Variants in PCDHB4 observed in about 807,000 individuals in gnomAD.
PCDHB4 encodes the protein protocadherin beta-4.
For missense variants in PCDHB4, 1,063 were observed against 1,007.0 expected, an observed-to-expected ratio of 1.06 and a Z score of -0.75; for synonymous variants, 482 against 447.3, an observed-to-expected ratio of 1.08 and a Z score of -0.98.
Position 141,124,259 on chromosome 5 carries a change from T to G in PCDHB4, c.2261T>G (p.Leu754Arg). 3 of 1,614,166 alleles carry G rather than the reference T, an allele frequency of 1.9e-6. No homozygotes were observed. Among genetic ancestry groups the G allele is most frequent in the Non-Finnish European group, 2.5e-6 (3 of 1,180,022 alleles). Residue 754 changes from leucine (L) to arginine (R), a missense_variant, in exon 1 of 1, where the codon CTG becomes CGG. Coordinates refer to ENST00000194152, the MANE Select transcript of PCDHB4 (RefSeq NM_018938.4). ...CAGAGCTACCAGTACGAGGTGTGTCTGACAGGAGACTCTGGGACTGGTGAG... is the reference window on the plus strand; with the variant it reads ...CAGAGCTACCAGTACGAGGTGTGTCGGACAGGAGACTCTGGGACTGGTGAG... Reference protein sequence around the residue: ...LSQSYQYEVCLTGDSGTGEFK... With the variant: ...LSQSYQYEVCRTGDSGTGEFK...
At position 141,122,965 on chromosome 5, in the gene PCDHB4, G is replaced by A; in HGVS notation, c.967G>A (p.Gly323Arg). The A allele has an allele frequency of 1.2e-6, 2 of 1,612,784 alleles. No homozygotes were observed. Among genetic ancestry groups the A allele is most frequent in the Non-Finnish European group, 1.7e-6 (2 of 1,179,558 alleles). ...CCATGTAGAAATTGAGGCCACAGAT[G>A]GAGGAGGCCTTTCTGGAAAAGGCAC... ...SYHVEIEATDGGGLSGKGTVV... is the reference protein window; with the variant it reads ...SYHVEIEATDRGGLSGKGTVV... The change falls in exon 1 of 1, where the codon GGA becomes AGA. Residue 323 changes from glycine (G) to arginine (R), a missense_variant. Transcript: ENST00000194152.
rs1752352829 is a variant in PCDHB4, at chr5:141,123,760, G to A, written c.1762G>A (p.Val588Met). The change falls in exon 1 of 1, where the codon GTG becomes ATG. Residue 588 changes from valine to methionine, a missense_variant. By Grantham distance (21) the Val-to-Met change is conservative (BLOSUM62 1). Transcript: ENST00000194152. Reference sequence around the variant, plus strand: ...CGAGCCGGGCTACCTGGTGACCAAGGTGGTGGCGGTGGACGGCGACTCGGG... The same window carrying A: ...CGAGCCGGGCTACCTGGTGACCAAGATGGTGGCGGTGGACGGCGACTCGGG... Reference protein sequence around the residue: ...AAEPGYLVTKVVAVDGDSGQN... With the variant: ...AAEPGYLVTKMVAVDGDSGQN... 14 of 1,610,392 alleles carry A rather than the reference G, an allele frequency of 8.7e-6. No individual in the cohort carries two copies. Among genetic ancestry groups the A allele is most frequent in the Non-Finnish European group, 1.2e-5 (14 of 1,179,666 alleles).
chr5:141,124,468 C>T lies in PCDHB4; in HGVS notation c.*82C>T. 1.7e-6 allele frequency: 2 copies of T among 1,197,786 alleles called. No homozygotes were observed. Among genetic ancestry groups the T allele is most frequent in the East Asian group, 2.5e-5 (1 of 40,200 alleles). 74.2% of individuals were successfully genotyped at this position (1,197,786 alleles called of 1,614,324 possible). ...TGCCTTTATTTAAAAAAATTGTCTA[C>T]TTATCTAAATATTCATACCACAATT... On this transcript the variant is annotated 3_prime_UTR_variant, in exon 1 of 1. Transcript: ENST00000194152.
In PCDHB4 at chr5:141,122,272, G is replaced by C; in HGVS notation, c.274G>C (p.Glu92Gln). The C allele has an allele frequency of 6.2e-7, 1 of 1,614,036 alleles. No homozygotes were observed. Among genetic ancestry groups the C allele is most frequent in the Non-Finnish European group, 8.5e-7 (1 of 1,180,026 alleles). Residue 92 changes from glutamate (E) to glutamine (Q), a missense_variant, in exon 1 of 1, where the codon GAA becomes CAA. Coordinates refer to ENST00000194152, the MANE Select transcript of PCDHB4 (RefSeq NM_018938.4). Reference protein sequence around the residue: ...DLLLREKLDREELCGPIEPCV... With the variant: ...DLLLREKLDRQELCGPIEPCV... ...GCTTCTGAGGGAGAAACTAGACCGG[G>C]AAGAGCTCTGTGGTCCTATTGAACC...
chr5:141,123,344 C>T lies in PCDHB4; in HGVS notation c.1346C>T (p.Ala449Val), dbSNP rs377636537. Residue 449 changes from alanine (A) to valine (V), a missense_variant, in exon 1 of 1, where the codon GCC becomes GTC. Transcript: ENST00000194152. ...TCCGACGTCAATGACAACGCCCCCG[C>T]CTTCACCCAAACCTCCTACACCCTG... ...QVSDVNDNAP[A>V]FTQTSYTLFV... is the part of the protein sequence containing the mutation. 6.2e-6 allele frequency: 10 copies of T among 1,613,612 alleles called. No homozygotes were observed. In the African/African-American group the frequency reaches 1.1e-4, roughly 17 times the overall value.
In PCDHB4 at chr5:141,123,571, G is replaced by T. The variant is rs782784130; in HGVS notation, c.1573G>T (p.Ala525Ser). 3 of 1,612,744 alleles carry T rather than the reference G, an allele frequency of 1.9e-6. No homozygotes were observed. Among genetic ancestry groups the T allele is most frequent in the African/African-American group, 2.7e-5 (2 of 75,020 alleles). Residue 525 changes from alanine to serine, a missense_variant, in exon 1 of 1, where the codon GCG (alanine) becomes TCG (serine). Physicochemically the swap from Ala to Ser is moderately conservative, Grantham distance 99. Transcript: ENST00000194152. ...GTCGCTGGACTACGAGGCCCTGCAG[G>T]CGTTCGAGTTCCGCGTGGGCGCCTC... ...LRSLDYEALQ[A>S]FEFRVGASDR...
chr5:141,122,193 G>A lies in PCDHB4; in HGVS notation c.195G>A (p.Val65=). 1 of 1,614,224 alleles carries A rather than the reference G, an allele frequency of 6.2e-7. No homozygotes were observed. The highest frequency in any genetic ancestry group is 1.6e-4 in the Middle Eastern group (1 of 6,062). ...IGELASRSAR[V]LSDDDKQRLQ... ...AACTGGCCTCCCGGTCAGCCCGGGT[G>A]CTGTCTGACGATGACAAGCAGCGTT... is the stretch of plus-strand genomic sequence containing the variant. Residue 65 remains valine, a synonymous_variant, in exon 1 of 1, where the codon GTG becomes GTA. Transcript: ENST00000194152.
At position 141,122,692 on chromosome 5, in the gene PCDHB4, A is replaced by G. The variant is rs1202959801; in HGVS notation, c.694A>G (p.Met232Val). The part of the protein sequence containing the change: ...SGTVMVRILI[M>V]DINDNAPEFV... The stretch of plus-strand genomic sequence containing the variant: ...CACGGTCATGGTTCGAATCCTGATC[A>G]TGGACATCAATGACAATGCTCCTGA... Residue 232 changes from methionine to valine, a missense_variant, in exon 1 of 1, where the codon ATG becomes GTG. By Grantham distance (21) the Met-to-Val change is conservative (BLOSUM62 1). Coordinates refer to ENST00000194152, the MANE Select transcript of PCDHB4 (RefSeq NM_018938.4). 1.2e-6 allele frequency: 2 copies of G among 1,614,084 alleles called. No homozygotes were observed. Among genetic ancestry groups the G allele is most frequent in the African/African-American group, 2.7e-5 (2 of 74,940 alleles).
In PCDHB4 at chr5:141,124,303, A is replaced by C. The variant is rs781853304; in HGVS notation, c.2305A>C (p.Ile769Leu). 1 of 1,614,054 alleles carries C rather than the reference A, an allele frequency of 6.2e-7. No homozygotes were observed. Among genetic ancestry groups the C allele is most frequent in the Admixed American group, 1.7e-5 (1 of 60,008 alleles). The change falls in exon 1 of 1, where the codon ATA becomes CTA. Residue 769 changes from isoleucine to leucine, a missense_variant. By Grantham distance (5) the Ile-to-Leu change is conservative. Transcript: ENST00000194152. Reference sequence around the variant, plus strand: ...TGGTGAGTTCAAGTTCCTGAAGCCAATATTTCCTAATCTCTTGGTTCAGGA... The same window carrying C: ...TGGTGAGTTCAAGTTCCTGAAGCCACTATTTCCTAATCTCTTGGTTCAGGA... ...GTGEFKFLKP[I>L]FPNLLVQDTG...
chr5:141,121,942 G>A lies in PCDHB4; in HGVS notation c.-57G>A, dbSNP rs1554274246. The A allele has an allele frequency of 8.2e-7, 1 of 1,217,578 alleles. No homozygotes were observed. 75.4% of individuals were successfully genotyped at this position (1,217,578 alleles called of 1,614,324 possible). The stretch of plus-strand genomic sequence containing the variant: ...TCCAAGCAAGAAATTGGAATTGAAT[G>A]TCTCAAGTCTCGTTGCGGTTGCTGA... On this transcript the variant is annotated 5_prime_UTR_variant, in exon 1 of 1. The change abolishes an upstream ATG in the 5' untranslated region. Transcript: ENST00000194152.
chr5:141,123,148 A>C lies in PCDHB4; in HGVS notation c.1150A>C (p.Ile384Leu). ...SGENGKMICSIPDNLPFILKP... is the reference protein window; with the variant it reads ...SGENGKMICSLPDNLPFILKP... ...AGAAAATGGAAAGATGATTTGCTCT[A>C]TTCCAGATAATCTACCGTTTATTCT... Residue 384 changes from isoleucine (I) to leucine (L), a missense_variant, in exon 1 of 1, where the codon ATT becomes CTT. Physicochemically the swap from Ile to Leu is conservative, Grantham distance 5. Transcript: ENST00000194152. The C allele has an allele frequency of 6.2e-7, 1 of 1,614,164 alleles. No individual in the cohort carries two copies. The highest frequency in any genetic ancestry group is 1.1e-5 in the South Asian group (1 of 91,072).
chr5:141,123,843 C>T lies in PCDHB4; in HGVS notation c.1845C>T (p.Gly615=), dbSNP rs782598304. 39 of 1,608,436 alleles carry T rather than the reference C, an allele frequency of 2.4e-5. No individual in the cohort carries two copies. Among genetic ancestry groups the T allele is most frequent in the Middle Eastern group, 4.5e-4 (2 of 4,472 alleles). Residue 615 remains glycine, a synonymous_variant, in exon 1 of 1, where the codon GGC becomes GGT. Coordinates refer to ENST00000194152, the MANE Select transcript of PCDHB4 (RefSeq NM_018938.4). ...AGGCCACGGAGCCTGGGCTGTTCGG[C>T]GTGTGGGCGCACAATGGCGAGGTGC... ...LLKATEPGLF[G]VWAHNGEVRT...
chr5:141,123,599 A>G lies in PCDHB4; in HGVS notation c.1601A>G (p.Asp534Gly), dbSNP rs1461698167. 1.6e-5 allele frequency: 26 copies of G among 1,612,178 alleles called. No individual in the cohort carries two copies. Among genetic ancestry groups the G allele is most frequent in the Non-Finnish European group, 2.1e-5 (25 of 1,179,810 alleles). The change falls in exon 1 of 1, where the codon GAC becomes GGC. Residue 534 changes from aspartate to glycine, a missense_variant. Physicochemically the swap from Asp to Gly is moderately conservative, Grantham distance 94. Coordinates refer to ENST00000194152, the MANE Select transcript of PCDHB4 (RefSeq NM_018938.4). ...TTCGAGTTCCGCGTGGGCGCCTCAGACCGCGGTTCTCCGGCTTTGAGCAGC... is the reference window on the plus strand; with the variant it reads ...TTCGAGTTCCGCGTGGGCGCCTCAGGCCGCGGTTCTCCGGCTTTGAGCAGC... ...QAFEFRVGAS[D>G]RGSPALSSEA...
Position 141,123,583 on chromosome 5 carries a change from C to A in PCDHB4, c.1585C>A (p.Arg529Ser). 6.2e-7 allele frequency: 1 copy of A among 1,612,550 alleles called. No homozygotes were observed. The change falls in exon 1 of 1, where the codon CGC becomes AGC. Residue 529 changes from arginine (R) to serine (S), a missense_variant. By Grantham distance (110) the Arg-to-Ser change is moderately radical (BLOSUM62 -1). Coordinates refer to ENST00000194152, the MANE Select transcript of PCDHB4 (RefSeq NM_018938.4). The part of the protein sequence containing the change: ...DYEALQAFEF[R>S]VGASDRGSPA... ...CGAGGCCCTGCAGGCGTTCGAGTTC[C>A]GCGTGGGCGCCTCAGACCGCGGTTC...
In PCDHB4 at chr5:141,122,743, C is replaced by T; in HGVS notation, c.745C>T (p.Gln249Ter). Residue 249 changes from glutamine to a stop codon, truncating the protein, a stop_gained, in exon 1 of 1, where the codon CAG (glutamine) becomes TAG (stop). Coordinates refer to ENST00000194152, the MANE Select transcript of PCDHB4 (RefSeq NM_018938.4). LOFTEE classifies it low-confidence loss of function (END_TRUNC). ...GTTTGTGCACACTCCATATGGGGTG[C>T]AGGTCCTGGAAAACAGCCCCCTAGA... is the stretch of plus-strand genomic sequence containing the variant. ...PEFVHTPYGV[Q>*]VLENSPLDSP... The T allele has an allele frequency of 6.2e-7, 1 of 1,614,100 alleles. No individual in the cohort carries two copies. Among genetic ancestry groups the T allele is most frequent in the Non-Finnish European group, 8.5e-7 (1 of 1,179,980 alleles).
chr5:141,123,528 C>G lies in PCDHB4; in HGVS notation c.1530C>G (p.Gly510=). ...ASLVSINADN[G]HLFALRSLDY... is the part of the protein sequence containing the mutation. ...TGGTCTCCATCAACGCAGACAACGG[C>G]CACCTGTTCGCCCTCAGGTCGCTGG... The change falls in exon 1 of 1, where the codon GGC becomes GGG. Residue 510 remains glycine (G), a synonymous_variant. Transcript: ENST00000194152. 1 of 1,613,298 alleles carries G rather than the reference C, an allele frequency of 6.2e-7. No individual in the cohort carries two copies. Among genetic ancestry groups the G allele is most frequent in the Non-Finnish European group, 8.5e-7 (1 of 1,179,966 alleles).
In PCDHB4 at chr5:141,124,123, G is replaced by T; in HGVS notation, c.2125G>T (p.Ala709Ser). 1 of 1,611,056 alleles carries T rather than the reference G, an allele frequency of 6.2e-7. No homozygotes were observed. The highest frequency in any genetic ancestry group is 1.3e-5 in the African/African-American group (1 of 74,990). Residue 709 changes from alanine to serine, a missense_variant, in exon 1 of 1, where the codon GCG becomes TCG. Transcript: ENST00000194152. ...LFLFSVLLFV[A>S]VRLCRRSRAA... ...CCTCTTCTCGGTGCTCCTGTTCGTG[G>T]CGGTGCGGCTGTGCAGGAGGAGCAG...
rs782191704 is a variant in PCDHB4 at position 141,123,177 on chromosome 5, A to G, written c.1179A>G (p.Lys393=). The change falls in exon 1 of 1, where the codon AAA becomes AAG. Residue 393 remains lysine (K), a synonymous_variant. Transcript: ENST00000194152. ...SIPDNLPFIL[K]PTLKNFYTLV... is the part of the protein sequence containing the mutation. ...CAGATAATCTACCGTTTATTCTAAA[A>G]CCAACTTTGAAGAATTTTTACACCC... is the stretch of plus-strand genomic sequence containing the variant. 3.7e-6 allele frequency: 6 copies of G among 1,614,134 alleles called. No individual in the cohort carries two copies. Among genetic ancestry groups the G allele is most frequent in the Non-Finnish European group, 5.1e-6 (6 of 1,180,030 alleles).
rs1041184428 is a variant in PCDHB4 at position 141,125,124 on chromosome 5, C to T, written c.*738C>T. 4.6e-5 allele frequency: 7 copies of T among 151,920 alleles called. No individual in the cohort carries two copies. In the South Asian group the frequency reaches 1.5e-3, roughly 32 times the overall value. The allele number at this position is 151,920 out of a possible 1,614,324, so 9.4% of individuals were successfully genotyped here. On this transcript the variant is annotated 3_prime_UTR_variant, in exon 1 of 1. Coordinates refer to ENST00000194152, the MANE Select transcript of PCDHB4 (RefSeq NM_018938.4). ...AAGAGAAAAATCTCATATAATTTGT[C>T]ATAACCTTTCAATAAATAAAACTGT...
Sources: gnomAD v4.1 joint callset for allele counts on GRCh38, gnomAD v4.1.1 for gene constraint, MANE v1.5 for transcripts, NCBI Gene and HGNC (gene_info 2026-07-23, HGNC 2026-07-21) for gene names.